The following THRB variants were observed in gnomAD, a reference collection of about 807,000 sequenced individuals.
THRB encodes nuclear receptor subfamily 1 group A member 2.
A neutral mutation model predicts 47.8 loss-of-function variants in THRB; 12 were observed. The observed-to-expected ratio is 0.25, with a 90% CI of 0.16 to 0.41. The LOEUF (loss-of-function observed/expected upper bound fraction) is 0.41. Ranked by LOEUF, THRB falls within the 10% of genes least tolerant of loss-of-function variation. The pLI, the probability that THRB is intolerant of heterozygous loss-of-function variation, is 1.00. For synonymous variants in THRB, 218 were observed against 212.2 expected (o/e 1.03, Z -0.24); for missense variants, 348 against 589.2 (o/e 0.59, Z 4.24).
intron 1 of THRB, among the ~76,000 whole-genome samples, chr3:24,371,341 AAAATACAACT>A (rs1409726919): frequency 2.0e-5 from 3 of 152,160 alleles, no homozygotes; most frequent in Non-Finnish European, 2.9e-5. Context: ...GTTATAATTG[AAAATACAACT>A]ATTAAACATA....
intron 9 of THRB, among the ~76,000 whole-genome samples, chr3:24,132,195 A>T (rs1351187391): frequency 6.6e-6 from 1 of 152,182 alleles, no homozygotes; most frequent in Non-Finnish European, 1.5e-5. Context: ...AGGATCACTT[A>T]TCACTCAGCC....
intron 1 of THRB, among the ~76,000 whole-genome samples, chr3:24,492,353 A>T (rs909341730): frequency 6.6e-6 from 1 of 152,228 alleles, no homozygotes; most frequent in Non-Finnish European, 1.5e-5. Context: ...GGAAAGAAAA[A>T]GAAGAACAAA....
At chr3:24,466,628 A>G (rs905483854) in intron 1 of THRB, among the ~76,000 whole-genome samples, 2 of 152,220 alleles carry the variant, frequency 1.3e-5, no homozygotes, top group East Asian at 1.9e-4. Flanking sequence ...GGATATTGCA[A>G]TAAAGTGAGT....
chr3:24,270,063 G>A (rs527973417), intron 3 of THRB, among the ~76,000 whole-genome samples: 1 of 152,094 alleles, frequency 6.6e-6, no homozygotes, highest in African/African-American at 2.4e-5. Flanking sequence ...TTTTTTTAAT[G>A]TGGTCACACT....
chr3:24,233,059 T>A (rs1465700300), intron 3 of THRB, among the ~76,000 whole-genome samples: 1 of 152,190 alleles, frequency 6.6e-6, no homozygotes, highest in Admixed American at 6.5e-5. Flanking sequence ...AGCCCAGTGC[T>A]GTGTCCCTTA....
At chr3:24,145,767 T>A (rs1231303187) in intron 7 of THRB, among the ~76,000 whole-genome samples, 1 of 152,228 alleles carries the variant, frequency 6.6e-6, no homozygotes, top group East Asian at 1.9e-4. Context: ...TCATGATTAC[T>A]TCTTTCATCA....
At chr3:24,396,548 T>C (rs1162832179) in intron 1 of THRB, among the ~76,000 whole-genome samples, 3 of 152,078 alleles carry the variant, frequency 2.0e-5, no homozygotes, top group Admixed American at 2.0e-4. Flanking sequence ...CACTCTATAG[T>C]AGAGACCAAC....
intron 1 of THRB, chr3:24,430,825 C>G (rs1356744473): frequency 6.6e-6 from 1 of 152,116 alleles, no homozygotes; most frequent in African/African-American, 2.4e-5. Flanking sequence ...AATACATCAT[C>G]AACATTTACA....
chr3:24,144,682 C>T (rs2035870545), intron 7 of THRB: 1 of 152,136 alleles, frequency 6.6e-6, no homozygotes, highest in African/African-American at 2.4e-5. Context: ...TTTTACATTG[C>T]AGAGTCATAG....
chr3:24,217,743 C>T (rs1422743339), intron 4 of THRB, among the ~76,000 whole-genome samples: 5 of 152,126 alleles, frequency 3.3e-5, no homozygotes, highest in African/African-American at 9.7e-5. Context: ...TCCTGCAGGA[C>T]GCTAGGCATT....
intron 3 of THRB, among the ~76,000 whole-genome samples, chr3:24,260,033 T>TTCAGTG (rs2051788405): frequency 6.6e-6 from 1 of 152,168 alleles, no homozygotes. Flanking sequence ...AGAAACCCCA[T>TTCAGTG]ACCTTTCAGC....
intron 3 of THRB, among the ~76,000 whole-genome samples, chr3:24,274,777 T>G (rs760994982): frequency 1.3e-5 from 2 of 152,206 alleles, no homozygotes; most frequent in Non-Finnish European, 2.9e-5. Context: ...GTTAATTAAA[T>G]TTTAAGAAAC....
intron 1 of THRB, among the ~76,000 whole-genome samples, chr3:24,423,540 T>C (rs1488303951): frequency 6.6e-6 from 1 of 151,842 alleles, no homozygotes; most frequent in African/African-American, 2.4e-5. Context: ...AGGTGGCAAC[T>C]TATTCAATGC....
chr3:24,201,518 T>C (rs776393824), intron 4 of THRB, among the ~76,000 whole-genome samples: 4 of 152,216 alleles, frequency 2.6e-5, no homozygotes, highest in Admixed American at 6.5e-5. Context: ...TGCACATTAA[T>C]GTTTGAGACA....
At chr3:24,269,277 CCACACACACACACA>C (rs4024153) in intron 3 of THRB, among the ~76,000 whole-genome samples, 65 of 140,752 alleles carry the variant, frequency 4.6e-4, no homozygotes, top group African/African-American at 8.1e-4. Context: ...AATGGATACA[CCACACACACACACA>C]CACACACACA....
intron 5 of THRB, among the ~76,000 whole-genome samples, chr3:24,182,361 C>G (rs2042016209): frequency 6.6e-6 from 1 of 152,232 alleles, no homozygotes; most frequent in Admixed American, 6.5e-5. Flanking sequence ...AAGGCTGACC[C>G]TCCCAATAAT....
chr3:24,205,332 G>C (rs1390428728), intron 4 of THRB, among the ~76,000 whole-genome samples: 1 of 152,226 alleles, frequency 6.6e-6, no homozygotes, highest in Non-Finnish European at 1.5e-5. Context: ...AGCCAGAAGA[G>C]AGTGGGGGCC....
At chr3:24,347,769 A>G (rs930855467) in intron 1 of THRB, among the ~76,000 whole-genome samples, 3 of 152,024 alleles carry the variant, frequency 2.0e-5, no homozygotes, top group East Asian at 1.9e-4. Flanking sequence ...CCTTACTCAA[A>G]CAGGAAAAAA....
intron 1 of THRB, among the ~76,000 whole-genome samples, chr3:24,350,723 G>C (rs2149533329): frequency 6.6e-6 from 1 of 152,256 alleles, no homozygotes; most frequent in South Asian, 2.1e-4. Flanking sequence ...TCTAAATGGT[G>C]ATCATATAGG....
Sources: gnomAD v4.1 joint callset for allele counts (sites outside exome capture counted in the v4.1 genomes callset) on GRCh38, gnomAD v4.1.1 for gene constraint, MANE v1.5 for transcripts, NCBI Gene and HGNC (gene_info 2026-07-23, HGNC 2026-07-21) for gene names.